CRYBG1: variants seen among roughly 807,000 people sequenced by gnomAD.
CRYBG1 encodes the protein beta/gamma crystallin domain-containing protein 1.
A neutral mutation model predicts 189.2 loss-of-function variants in CRYBG1; 139 were observed. The observed-to-expected ratio is 0.73, with a 90% CI of 0.64 to 0.85. CRYBG1 has a LOEUF of 0.85. Among genes scored for constraint, CRYBG1 ranks in the 40% least tolerant of loss-of-function variants. The pLI, the probability that CRYBG1 is intolerant of heterozygous loss-of-function variation, is 0.00. For synonymous variants in CRYBG1, 1,023 were observed against 1,017.1 expected, an observed-to-expected ratio of 1.01 and a Z score of -0.11; for missense variants, 2,611 against 2,675.8, an observed-to-expected ratio of 0.98 and a Z score of 0.53.
At chr6:106,487,543 C>T (rs1240503410) in intron 2 of CRYBG1, among the ~76,000 whole-genome samples, 1 of 152,162 alleles carries the variant, frequency 6.6e-6, no homozygotes, top group Non-Finnish European at 1.5e-5. Context: ...TGTTGAAGCT[C>T]TCAATGGTAT....
rs541262205 is a variant in CRYBG1, at chr6:106,530,670, G to C, written c.4718+355G>C. On this transcript the variant is annotated intron_variant, in intron 8 of 21. Coordinates refer to ENST00000633556, the MANE Select transcript of CRYBG1 (RefSeq NM_001371242.2). ...AAGCACATGCCCCTGATATTTCTGG[G>C]GGGGGATGGAAGCCAACACACATGG... Among the ~76,000 whole-genome samples, 526 of 152,250 alleles carry C rather than the reference G, an allele frequency of 3.5e-3. 5 individuals are homozygous for C. The highest frequency in any genetic ancestry group is 0.012 in the African/African-American group (491 of 41,534).
In CRYBG1 at chr6:106,512,784, C is replaced by A. The variant is rs767378767; in HGVS notation, c.1667C>A (p.Ala556Glu). The A allele has an allele frequency of 2.5e-6, 4 of 1,579,760 alleles. No homozygotes were observed. The highest frequency in any genetic ancestry group is 1.7e-4 in the Middle Eastern group (1 of 5,926). ...CCCAGCCCAGTCACCAAGGGCACTG[C>A]GGCCGAGAGCGGGGAGGAGGCGGCG... is the stretch of plus-strand genomic sequence containing the variant. ...PDPSPVTKGT[A>E]AESGEEAARA... The change falls in exon 3 of 22, where the codon GCG becomes GAG. Residue 556 changes from alanine to glutamate, a missense_variant. This residue lies in a region of CRYBG1 where 985 missense variants were observed against 924.4 expected (regional missense o/e 1.07). Coordinates refer to ENST00000633556, the MANE Select transcript of CRYBG1 (RefSeq NM_001371242.2).
intron 1 of CRYBG1, among the ~76,000 whole-genome samples, chr6:106,371,099 A>G (rs904338246): frequency 1.8e-4 from 28 of 152,224 alleles, no homozygotes; most frequent in Admixed American, 1.5e-3. Context: ...ACTTAAAGTG[A>G]TAGAGCCTAT....
chr6:106,377,639 A>ATATATATATATATATATATAT (rs1770197159), intron 1 of CRYBG1, among the ~76,000 whole-genome samples: 1 of 143,524 alleles, frequency 7.0e-6, no homozygotes, highest in Non-Finnish European at 1.5e-5. Context: ...ATATATATAT[A>ATATATATATATATATATATAT]TATATATATT....
chr6:106,516,748 T>G (rs1773432264), intron 3 of CRYBG1, among the ~76,000 whole-genome samples: 3 of 152,316 alleles, frequency 2.0e-5, no homozygotes, highest in Admixed American at 2.0e-4. Context: ...GGAACCAGAA[T>G]AGTATAGTGG....
intron 1 of CRYBG1, among the ~76,000 whole-genome samples, chr6:106,441,399 G>C (rs2114421857): frequency 6.6e-6 from 1 of 152,238 alleles, no homozygotes; most frequent in Middle Eastern, 3.4e-3. Flanking sequence ...CTGCACCTTA[G>C]AGAATTTCTA....
intron 2 of CRYBG1, among the ~76,000 whole-genome samples, chr6:106,463,127 C>A (rs1222036924): frequency 6.6e-6 from 1 of 150,448 alleles, no homozygotes; most frequent in Non-Finnish European, 1.5e-5. Context: ...ACACTCCAGC[C>A]TGGGTGATAG....
At chr6:106,420,007 C>T (rs1771094222) in intron 1 of CRYBG1, among the ~76,000 whole-genome samples, 1 of 152,166 alleles carries the variant, frequency 6.6e-6, no homozygotes, top group Admixed American at 6.5e-5. Flanking sequence ...GATGAGAAAC[C>T]TTTAACATCA....
chr6:106,484,079 T>C lies in CRYBG1; in HGVS notation c.313-27351T>C, dbSNP rs868010122. 7.9e-5 allele frequency among the ~76,000 whole-genome samples: 12 copies of C among 152,338 alleles called. No homozygotes were observed. In the South Asian group the frequency reaches 1.7e-3, roughly 21 times the overall value. On this transcript the variant is annotated intron_variant, in intron 2 of 21. Transcript: ENST00000633556. The stretch of plus-strand genomic sequence containing the variant: ...TTTTCTGTATGTGGCTGTTCAATTT[T>C]TCCAGCACCATTTATTGAAGAGACT...
intron 3 of CRYBG1, 126 bp downstream of exon 3, chr6:106,513,165 G>A: frequency 8.2e-7 from 1 of 1,214,588 alleles, no homozygotes; most frequent in Non-Finnish European, 1.1e-6. Context: ...CCTCCATGCT[G>A]AACTTAAGAT....
Position 106,519,798 on chromosome 6 carries a change from T to A in CRYBG1, c.2590T>A (p.Ser864Thr), listed in dbSNP as rs766673596. 1 of 1,614,124 alleles carries A rather than the reference T, an allele frequency of 6.2e-7. No homozygotes were observed. The highest frequency in any genetic ancestry group is 1.1e-5 in the South Asian group (1 of 91,082). The part of the protein sequence containing the change: ...KPQHTFSDSQ[S>T]PAESSPGPSL... ...ACAGCATACATTTTCTGACTCACAG[T>A]CCCCTGCTGAGTCATCTCCTGGGCC... Residue 864 changes from serine to threonine, a missense_variant, in exon 4 of 22, where the codon TCC (serine) becomes ACC (threonine). By Grantham distance (58) the Ser-to-Thr change is moderately conservative. This residue lies in a region of CRYBG1 where 1,622 missense variants were observed against 1,735.0 expected (regional missense o/e 0.93). Coordinates refer to ENST00000633556, the MANE Select transcript of CRYBG1 (RefSeq NM_001371242.2).
At position 106,511,585 on chromosome 6, in the gene CRYBG1, C is replaced by G. The variant is rs1773257388; in HGVS notation, c.468C>G (p.Ala156=). The change falls in exon 3 of 22, where the codon GCC becomes GCG. Residue 156 remains alanine, a synonymous_variant. Transcript: ENST00000633556. ...AKPLSPKDVV[A]SPKLPERESE... ...CACTCTCTCCCAAAGATGTGGTAGCCTCTCCTAAGCTCCCAGAGAGAGAGA... is the reference window on the plus strand; with the variant it reads ...CACTCTCTCCCAAAGATGTGGTAGCGTCTCCTAAGCTCCCAGAGAGAGAGA... 10 of 1,535,852 alleles carry G rather than the reference C, an allele frequency of 6.5e-6. No individual in the cohort carries two copies. The East Asian group carries it at 2.4e-4, about 38-fold the overall frequency.
At chr6:106,541,688 G>A (rs1044938280) in intron 10 of CRYBG1, 67 bp downstream of exon 10, 5 of 1,080,352 alleles carry the variant, frequency 4.6e-6, no homozygotes, top group African/African-American at 1.6e-5. Flanking sequence ...ACATATATAT[G>A]TACTTAATGT....
At chr6:106,456,670 T>C (rs941209616) in intron 2 of CRYBG1, among the ~76,000 whole-genome samples, 1 of 152,208 alleles carries the variant, frequency 6.6e-6, no homozygotes, top group Non-Finnish European at 1.5e-5. Context: ...AGGTGATCTA[T>C]CCCTCTGTTT....
intron 1 of CRYBG1, among the ~76,000 whole-genome samples, chr6:106,413,310 G>T (rs1269292352): frequency 3.9e-5 from 6 of 152,088 alleles, no homozygotes; most frequent in Non-Finnish European, 8.8e-5. Flanking sequence ...AGGTAGGAGT[G>T]GTTCCCCAAA....
Position 106,450,879 on chromosome 6 carries a change from A to T in CRYBG1, c.174-815A>T, listed in dbSNP as rs572636188. 6.6e-5 allele frequency among the ~76,000 whole-genome samples: 10 copies of T among 152,332 alleles called. No individual in the cohort carries two copies. The South Asian group carries it at 2.1e-3, about 32-fold the overall frequency. ...GCCAGAGAAGCAGGGCAAAGTATGA[A>T]CATTTTAGAGGGTCAGGGAGACATC... On this transcript the variant is annotated intron_variant, in intron 1 of 21. Transcript: ENST00000633556.
At chr6:106,508,445 C>T (rs768774277) in intron 2 of CRYBG1, among the ~76,000 whole-genome samples, 6 of 152,174 alleles carry the variant, frequency 3.9e-5, no homozygotes, top group Non-Finnish European at 8.8e-5. Context: ...TAACCCTCAA[C>T]GTTCCTTTGT....
At position 106,512,955 on chromosome 6, in the gene CRYBG1, C is replaced by T. The variant is rs764449966; in HGVS notation, c.1838C>T (p.Ala613Val). 9 of 1,610,820 alleles carry T rather than the reference C, an allele frequency of 5.6e-6. No individual in the cohort carries two copies. In the South Asian group the frequency reaches 6.6e-5, roughly 12 times the overall value. ...AGAGAGCTGGGCAGAGCGGCCGGAG[C>T]GCCTGGAGCTTCTGACGCCGACGGC... ...RSRELGRAAG[A>V]PGASDADGLK... Residue 613 changes from alanine to valine, a missense_variant, in exon 3 of 22, where the codon GCG (alanine) becomes GTG (valine). Physicochemically the swap from Ala to Val is moderately conservative, Grantham distance 64 (BLOSUM62 0). Around this residue, in one of 3 missense-constraint regions of CRYBG1, gnomAD observed 985 missense variants for 924.4 expected, o/e 1.07. Transcript: ENST00000633556.
intron 1 of CRYBG1, among the ~76,000 whole-genome samples, chr6:106,375,029 C>G (rs758187590): frequency 3.6e-4 from 54 of 151,968 alleles, no homozygotes; most frequent in Admixed American, 2.0e-4. Flanking sequence ...GGGGGCATAA[C>G]CTTTTTGATG....
Sources: allele counts gnomAD v4.1 joint callset (sites outside exome capture counted in the v4.1 genomes callset), GRCh38; gene constraint gnomAD v4.1.1; regional missense constraint gnomAD v4.1.1; transcripts MANE v1.5; gene names NCBI Gene and HGNC (gene_info 2026-07-23, HGNC 2026-07-21).